The following GRIN2B variants were observed in gnomAD, a reference collection of about 807,000 sequenced individuals.
GRIN2B encodes glutamate receptor ionotropic, NMDA 2B.
GRIN2B carries 5 observed loss-of-function variants against 114.5 expected under a neutral mutation model. That is an observed-to-expected ratio of 0.04 (90% confidence interval 0.02 to 0.09). GRIN2B has a LOEUF of 0.09. Among genes scored for constraint, GRIN2B ranks in the 10% least tolerant of loss-of-function variants. The pLI, the probability that GRIN2B is intolerant of heterozygous loss-of-function variation, is 1.00. For missense variants in GRIN2B, 1,108 were observed against 1,943.5 expected (o/e 0.57, Z 8.08); for synonymous variants, 787 against 745.1 (o/e 1.06, Z -0.92).
chr12:13,678,582 C>T lies in GRIN2B; in HGVS notation c.1011-2723G>A, dbSNP rs1203582108. Among the ~76,000 whole-genome samples the T allele has an allele frequency of 2.0e-5, 3 of 152,082 alleles. No individual in the cohort carries two copies. The East Asian group carries it at 5.8e-4, about 29-fold the overall frequency. ...TCTACCATCCCACCTTGGCTGCTCT[C>T]TCCAGACACCTCCACTCAGTGACAT... On this transcript the variant is annotated intron_variant, in intron 4 of 13. Transcript: ENST00000609686.
Position 13,561,198 on chromosome 12 carries a change from CTT to C in GRIN2B, c.*1583_*1584del, listed in dbSNP as rs944732579. 1 of 152,080 alleles carries C rather than the reference CTT, an allele frequency of 6.6e-6. No individual in the cohort carries two copies. Among genetic ancestry groups the C allele is most frequent in the African/African-American group, 2.4e-5 (1 of 41,422 alleles). 9.4% of individuals were successfully genotyped at this position (152,080 alleles called of 1,614,324 possible). ...TCCCTGGAGTTTTATACATGTATATCTTTTTTTATTCCTCAATGGTACAATCT... is the reference window on the plus strand; with the variant it reads ...TCCCTGGAGTTTTATACATGTATATCTTTTTATTCCTCAATGGTACAATCT... On this transcript the variant is annotated 3_prime_UTR_variant, in exon 14 of 14. Transcript: ENST00000609686.
At chr12:13,749,483 C>T (rs1375998611) in intron 4 of GRIN2B, among the ~76,000 whole-genome samples, 1 of 152,206 alleles carries the variant, frequency 6.6e-6, no homozygotes, top group Non-Finnish European at 1.5e-5. Context: ...CAGAAATCTC[C>T]CAGAGAGCCT....
chr12:13,594,623 T>C lies in GRIN2B; in HGVS notation c.2010+13980A>G, dbSNP rs150883565. Reference sequence around the variant, plus strand: ...AACCACCATGGCATGTGTATATCTATGTAACAAACCCGCACATTCTGCACA... The same window carrying C: ...AACCACCATGGCATGTGTATATCTACGTAACAAACCCGCACATTCTGCACA... On this transcript the variant is annotated intron_variant, in intron 10 of 13. Coordinates refer to ENST00000609686, the MANE Select transcript of GRIN2B (RefSeq NM_000834.5). 7.8e-3 allele frequency among the ~76,000 whole-genome samples: 1,182 copies of C among 151,076 alleles called. 19 individuals carry two copies. Among genetic ancestry groups the C allele is most frequent in the African/African-American group, 0.027 (1,121 of 41,108 alleles).
chr12:13,968,835 A>G (rs1038574593), intron 2 of GRIN2B, among the ~76,000 whole-genome samples: 32 of 152,226 alleles, frequency 2.1e-4, no homozygotes, highest in Admixed American at 1.1e-3. Context: ...CATACTTAGG[A>G]CTGCCATTCT....
At chr12:13,757,384 A>T (rs1039920412) in intron 3 of GRIN2B, among the ~76,000 whole-genome samples, 17 of 152,278 alleles carry the variant, frequency 1.1e-4, no homozygotes, top group African/African-American at 4.1e-4. Flanking sequence ...TTATGGCCAT[A>T]GCCACAAATA....
chr12:13,773,888 C>T (rs1189080116), intron 3 of GRIN2B, among the ~76,000 whole-genome samples: 1 of 152,176 alleles, frequency 6.6e-6, no homozygotes, highest in Non-Finnish European at 1.5e-5. Flanking sequence ...CAGACATACA[C>T]ACCCTAGAAC....
At chr12:13,835,797 A>C (rs1243759913) in intron 3 of GRIN2B, among the ~76,000 whole-genome samples, 2 of 143,464 alleles carry the variant, frequency 1.4e-5, no homozygotes, top group South Asian at 2.2e-4. Context: ...AAAAAAAAAG[A>C]AAGCCAGCAG....
Position 13,569,912 on chromosome 12 carries a change from G to A in GRIN2B, c.2277C>T (p.Ser759=). The A allele has an allele frequency of 1.2e-6, 2 of 1,613,210 alleles. No individual in the cohort carries two copies. Among genetic ancestry groups the A allele is most frequent in the Non-Finnish European group, 1.7e-6 (2 of 1,179,256 alleles). ...TTTGGATGGCAATGCCATAGCCAGT[G>A]GAAGCAAAGACCTTCCCACTGCCAA... is the stretch of plus-strand genomic sequence containing the variant. ...VTIGSGKVFA[S]TGYGIAIQKD... The change falls in exon 12 of 14, where the codon TCC becomes TCT. Residue 759 remains serine (S), a synonymous_variant. Coordinates refer to ENST00000609686, the MANE Select transcript of GRIN2B (RefSeq NM_000834.5).
At chr12:13,746,749 G>C (rs565558831) in intron 4 of GRIN2B, among the ~76,000 whole-genome samples, 1 of 152,322 alleles carries the variant, frequency 6.6e-6, no homozygotes, top group South Asian at 2.1e-4. Context: ...ATGGCTTAAT[G>C]CCCTGCCCAT....
At chr12:13,776,932 C>T (rs1453854025) in intron 3 of GRIN2B, among the ~76,000 whole-genome samples, 2 of 152,106 alleles carry the variant, frequency 1.3e-5, no homozygotes, top group Non-Finnish European at 2.9e-5. Context: ...TTTGGCTGTG[C>T]TGCTTGTGCT....
At chr12:13,739,374 C>CAAAAAAAAAAAAAAA (rs34320563) in intron 4 of GRIN2B, among the ~76,000 whole-genome samples, 1 of 59,364 alleles carries the variant, frequency 1.7e-5, no homozygotes, top group Non-Finnish European at 2.8e-5. Flanking sequence ...AACTCCGTCT[C>CAAAAAAAAAAAAAAA]AAAAAAAAAA....
chr12:13,635,129 T>A (rs554788877), intron 5 of GRIN2B, among the ~76,000 whole-genome samples: 104 of 152,270 alleles, frequency 6.8e-4, no homozygotes, highest in Non-Finnish European at 1.5e-4. Flanking sequence ...GAGGGTCCAG[T>A]AAGGCAGGAC....
At chr12:13,951,251 A>G (rs775106173) in intron 2 of GRIN2B, among the ~76,000 whole-genome samples, 9 of 152,164 alleles carry the variant, frequency 5.9e-5, no homozygotes, top group Non-Finnish European at 1.2e-4. Context: ...ACAACCCTAG[A>G]TATAGTACAG....
chr12:13,596,154 T>C (rs1805506), intron 10 of GRIN2B, among the ~76,000 whole-genome samples: 13,552 of 152,184 alleles, frequency 0.089, 653 homozygotes, highest in Non-Finnish European at 0.1. Flanking sequence ...CTCACAGACA[T>C]CATTAGAAAT....
At chr12:13,819,140 T>C (rs1220231569) in intron 3 of GRIN2B, among the ~76,000 whole-genome samples, 1 of 152,018 alleles carries the variant, frequency 6.6e-6, no homozygotes, top group Non-Finnish European at 1.5e-5. Context: ...AAGAGGAAAT[T>C]GGAACACACA....
Position 13,563,004 on chromosome 12 carries a change from C to T in GRIN2B, c.4234G>A (p.Ala1412Thr). The T allele has an allele frequency of 3.1e-6, 5 of 1,613,454 alleles. No homozygotes were observed. Among genetic ancestry groups the T allele is most frequent in the Non-Finnish European group, 3.4e-6 (4 of 1,179,422 alleles). Residue 1412 changes from alanine (A) to threonine (T), a missense_variant, in exon 14 of 14, where the codon GCG (alanine) becomes ACG (threonine). Ala to Thr is a moderately conservative substitution (Grantham distance 58, BLOSUM62 0). This residue lies in a region of GRIN2B where 478 missense variants were observed against 506.0 expected (regional missense o/e 0.94). Transcript: ENST00000609686. ...KSYFFRQPTV[A>T]GASKARPDFR... is the part of the protein sequence containing the mutation. ...TCCGGCCTGGCTTTCGACGCCCCCG[C>T]CACCGTGGGCTGCCTGAAGAAGTAG...
At chr12:13,953,596 G>A (rs1867535243) in intron 2 of GRIN2B, among the ~76,000 whole-genome samples, 1 of 152,182 alleles carries the variant, frequency 6.6e-6, no homozygotes, top group South Asian at 2.1e-4. Context: ...AAGAGATGGT[G>A]GGGGTGCTGG....
At chr12:13,881,458 G>A (rs1866071892) in intron 2 of GRIN2B, among the ~76,000 whole-genome samples, 1 of 152,024 alleles carries the variant, frequency 6.6e-6, no homozygotes, top group Non-Finnish European at 1.5e-5. Flanking sequence ...CCAATCCCCT[G>A]TCCCCCAACT....
chr12:13,614,016 C>CAAAAAAAAAAAA (rs77527098), intron 8 of GRIN2B, among the ~76,000 whole-genome samples: 4 of 92,898 alleles, frequency 4.3e-5, no homozygotes, highest in Non-Finnish European at 6.4e-5. Context: ...CCTTGCACAG[C>CAAAAAAAAAAAA]AAAAAAAAAA....
Sources: gnomAD v4.1 joint callset for allele counts (sites outside exome capture counted in the v4.1 genomes callset) on GRCh38, gnomAD v4.1.1 for gene constraint, gnomAD v4.1.1 regional missense constraint, MANE v1.5 for transcripts, NCBI Gene and HGNC (gene_info 2026-07-23, HGNC 2026-07-21) for gene names.